The following SYT13 variants were observed in gnomAD, a reference collection of about 807,000 sequenced individuals.
The protein encoded by SYT13 is synaptotagmin-13.
SYT13 carries 21 observed loss-of-function variants against 38.6 expected under a neutral mutation model. The ratio of observed to expected loss-of-function variants is 0.54; its 90% CI spans 0.39 to 0.78. SYT13 has a LOEUF of 0.78. Ranked by LOEUF, SYT13 falls within the 30% of genes least tolerant of loss-of-function variation. SYT13 has a pLI of 0.00. For synonymous variants in SYT13, 241 were observed against 237.6 expected (o/e 1.01, Z -0.13); for missense variants, 495 against 548.7 (o/e 0.90, Z 0.98).
intron 4 of SYT13, among the ~76,000 whole-genome samples, chr11:45,247,906 G>C (rs1854632579): frequency 1.3e-5 from 2 of 152,218 alleles, no homozygotes; most frequent in African/African-American, 4.8e-5. Context: ...AGAGGATGAA[G>C]TGAGAAAATG....
intron 2 of SYT13, among the ~76,000 whole-genome samples, chr11:45,255,030 C>T (rs1309103329): frequency 6.6e-6 from 1 of 151,956 alleles, no homozygotes; most frequent in Non-Finnish European, 1.5e-5. Context: ...GTGAGAGGAT[C>T]ACTGGAGCCT....
chr11:45,252,685 G>T lies in SYT13; in HGVS notation c.582C>A (p.Tyr194Ter). 1 of 1,591,970 alleles carries T rather than the reference G, an allele frequency of 6.3e-7. No individual in the cohort carries two copies. The highest frequency in any genetic ancestry group is 8.6e-7 in the Non-Finnish European group (1 of 1,163,506). The change falls in exon 4 of 6, where the codon TAC becomes TAA. Residue 194 changes from tyrosine to a stop codon, truncating the protein, a stop_gained. Transcript: ENST00000020926. LOFTEE classifies it high-confidence loss of function. This position sits in a 1 kb window ranked among gnomAD's most constrained non-coding sequence, Gnocchi z 4.3. ...TCCTATTGGCCACACTCCCTTGGACGTAGCAGTCACAGCCTCCGTCGTGGT... is the reference window on the plus strand; with the variant it reads ...TCCTATTGGCCACACTCCCTTGGACTTAGCAGTCACAGCCTCCGTCGTGGT... Reference protein sequence around the residue: ...TSNHDGGCDCYVQGSVANRTG... With the variant: ...TSNHDGGCDC
chr11:45,246,761 T>C (rs1018294225), intron 4 of SYT13, among the ~76,000 whole-genome samples: 1 of 152,076 alleles, frequency 6.6e-6, no homozygotes, highest in Non-Finnish European at 1.5e-5. Context: ...TACCATATAC[T>C]CAAATCCAAC....
chr11:45,254,427 C>T (rs566373974), intron 2 of SYT13, 23 bp from the exon 3 acceptor site: 1 of 1,605,918 alleles, frequency 6.2e-7, no homozygotes, highest in Admixed American at 1.7e-5. Context: ...TCGAAATCGT[C>T]ACTGCCACCC....
intron 1 of SYT13, among the ~76,000 whole-genome samples, chr11:45,278,101 T>C (rs566274261): frequency 1.3e-5 from 2 of 152,314 alleles, no homozygotes; most frequent in African/African-American, 4.8e-5. Flanking sequence ...TTATTTCTTA[T>C]CAAATTAGTT....
At position 45,244,088 on chromosome 11, in the gene SYT13, G is replaced by A. The variant is rs780761961; in HGVS notation, c.1245C>T (p.Arg415=). The change falls in exon 6 of 6, where the codon CGC becomes CGT. Residue 415 remains arginine (R), a synonymous_variant. Transcript: ENST00000020926. The stretch of plus-strand genomic sequence containing the variant: ...GCTGGTGCCACATGGCAATCTGCCG[G>A]CGAGGGTTTTTGAGCATCTCCTCCC... ...SHWEEMLKNP[R]RQIAMWHQLH... is the part of the protein sequence containing the mutation. 1 of 1,608,942 alleles carries A rather than the reference G, an allele frequency of 6.2e-7. No individual in the cohort carries two copies. Among genetic ancestry groups the A allele is most frequent in the Non-Finnish European group, 8.5e-7 (1 of 1,178,874 alleles).
At chr11:45,285,823 TC>T (rs1335842162) in intron 1 of SYT13, 2 of 738,676 alleles carry the variant, frequency 2.7e-6, no homozygotes, top group Non-Finnish European at 4.7e-6. Flanking sequence ...CTCCTTCAGG[TC>T]TCGTCTCCCC....
Position 45,286,339 on chromosome 11 carries a change from G to T in SYT13, c.-132C>A. The T allele has an allele frequency of 9.0e-7, 1 of 1,113,412 alleles. No individual in the cohort carries two copies. Among genetic ancestry groups the T allele is most frequent in the Non-Finnish European group, 1.2e-6 (1 of 817,448 alleles). 69.0% of individuals were successfully genotyped at this position (1,113,412 alleles called of 1,614,324 possible). A position where few individuals can be genotyped will look rare whatever the true frequency, so the allele number is the denominator to read the frequency against. ...GCCGCCAGAGGGGCGGGGACGGAGG[G>T]AGGGAGGACGGCTGCGAGGACGTCA... On this transcript the variant is annotated 5_prime_UTR_variant, in exon 1 of 6. Transcript: ENST00000020926.
chr11:45,254,487 A>G (rs995979672), intron 2 of SYT13, 83 bp from the exon 3 acceptor site: 228 of 1,523,478 alleles, frequency 1.5e-4, no homozygotes, highest in Non-Finnish European at 1.9e-4. Context: ...TCTATCACCT[A>G]TGCCAGGAAC....
chr11:45,267,149 CAA>C (rs1854893072), intron 1 of SYT13, among the ~76,000 whole-genome samples: 1 of 152,196 alleles, frequency 6.6e-6, no homozygotes, highest in Admixed American at 6.5e-5. Context: ...AGTTCTGTGC[CAA>C]AAGTCTTGGC....
intron 4 of SYT13, among the ~76,000 whole-genome samples, chr11:45,247,858 T>C (rs1008732607): frequency 6.6e-6 from 1 of 152,138 alleles, no homozygotes; most frequent in South Asian, 2.1e-4. Context: ...ATATATAACA[T>C]CGGGCAGCAT....
intron 1 of SYT13, among the ~76,000 whole-genome samples, chr11:45,258,087 T>A (rs1854770001): frequency 6.6e-6 from 1 of 152,204 alleles, no homozygotes; most frequent in Non-Finnish European, 1.5e-5. Context: ...CATTTCTGAC[T>A]TCGGTGGAGT....
chr11:45,244,485 C>T (rs1854591822), intron 5 of SYT13, 129 bp from the exon 6 acceptor site: 1 of 1,097,140 alleles, frequency 9.1e-7, no homozygotes, highest in Non-Finnish European at 1.3e-6. Context: ...GACATCTGTG[C>T]CCCATATACC....
chr11:45,276,639 T>A (rs11038374), intron 1 of SYT13, among the ~76,000 whole-genome samples: 1 of 150,244 alleles, frequency 6.7e-6, no homozygotes, highest in Admixed American at 6.6e-5. Context: ...GAATTTGGGG[T>A]TTTTTTTTAG....
chr11:45,283,376 A>G (rs1855096843), intron 1 of SYT13, among the ~76,000 whole-genome samples: 1 of 152,122 alleles, frequency 6.6e-6, no homozygotes, highest in Admixed American at 6.5e-5. Context: ...TCCAGCCTCC[A>G]TACCTTCTTT....
intron 1 of SYT13, among the ~76,000 whole-genome samples, chr11:45,279,187 C>T (rs1427881449): frequency 6.6e-6 from 1 of 152,198 alleles, no homozygotes; most frequent in Non-Finnish European, 1.5e-5. Flanking sequence ...CCAGCTCTCC[C>T]ACTGAATATG....
At position 45,252,478 on chromosome 11, in the gene SYT13, G is replaced by A. The variant is rs775171770; in HGVS notation, c.789C>T (p.Asp263=). 19 of 1,612,768 alleles carry A rather than the reference G, an allele frequency of 1.2e-5. No individual in the cohort carries two copies. The highest frequency in any genetic ancestry group is 4.4e-5 in the South Asian group (4 of 90,982). Residue 263 remains aspartate, a synonymous_variant, in exon 4 of 6, where the codon GAC becomes GAT. Transcript: ENST00000020926. The surrounding 1 kb of genome is among the most constrained non-coding windows in gnomAD (Gnocchi z 4.3). Reference sequence around the variant, plus strand: ...CAGCCCCTAGAGGCACAGATGTCCCGTCCAGGCCCAGGCGGAGCTCCCCGG... The same window carrying A: ...CAGCCCCTAGAGGCACAGATGTCCCATCCAGGCCCAGGCGGAGCTCCCCGG... ...SVAGELRLGL[D]GTSVPLGAAQ... is the part of the protein sequence containing the mutation.
At chr11:45,251,870 G>A (rs955179179) in intron 4 of SYT13, among the ~76,000 whole-genome samples, 1 of 152,232 alleles carries the variant, frequency 6.6e-6, no homozygotes, top group Non-Finnish European at 1.5e-5. Flanking sequence ...CTCCTTCAGA[G>A]CCTAGCACAC....
In SYT13 at chr11:45,243,985, G is replaced by T; in HGVS notation, c.*67C>A. 6.8e-7 allele frequency: 1 copy of T among 1,477,864 alleles called. No individual in the cohort carries two copies. The highest frequency in any genetic ancestry group is 9.1e-7 in the Non-Finnish European group (1 of 1,102,254). The allele number at this position is 1,477,864 out of a possible 1,614,324, so 91.5% of individuals were successfully genotyped here. A position where few individuals can be genotyped will look rare whatever the true frequency, so the allele number is the denominator to read the frequency against. ...TTCTGGGTGTCAGAATGAGGAAAGG[G>T]GCACAGAAAGGAGGTTGCAGAGGAC... On this transcript the variant is annotated 3_prime_UTR_variant, in exon 6 of 6. Transcript: ENST00000020926.
Sources: gnomAD v4.1 joint callset for allele counts (sites outside exome capture counted in the v4.1 genomes callset) on GRCh38, gnomAD v4.1.1 for gene constraint, Gnocchi (gnomAD v3.1) non-coding constraint, MANE v1.5 for transcripts, NCBI Gene and HGNC (gene_info 2026-07-23, HGNC 2026-07-21) for gene names.